Variants in DCC observed in about 807,000 individuals in gnomAD.
DCC encodes DCC netrin 1 receptor, also known as netrin receptor DCC.
Under a neutral mutation model 172.5 loss-of-function variants are expected in DCC, and 58 were observed. The ratio of observed to expected loss-of-function variants is 0.34; its 90% CI spans 0.27 to 0.42. The LOEUF (loss-of-function observed/expected upper bound fraction) is 0.42. DCC is among the 10% of genes least tolerant of loss of function. DCC has a pLI of 1.00. For missense variants in DCC, 1,740 were observed against 1,791.0 expected (o/e 0.97, Z 0.51); for synonymous variants, 709 against 644.5 (o/e 1.10, Z -1.52).
intron 1 of DCC, among the ~76,000 whole-genome samples, chr18:52,680,413 T>G (rs2035727205): frequency 6.6e-6 from 1 of 152,152 alleles, no homozygotes; most frequent in Non-Finnish European, 1.5e-5. Flanking sequence ...TGCAAAGCAC[T>G]GTTCTGCAGG....
At chr18:53,242,088 A>G (rs2056303495) in intron 12 of DCC, among the ~76,000 whole-genome samples, 1 of 152,128 alleles carries the variant, frequency 6.6e-6, no homozygotes, top group Non-Finnish European at 1.5e-5. Context: ...GTTGCAACAA[A>G]ATTTTTCAAA....
At chr18:53,313,667 C>G (rs1294119221) in intron 13 of DCC, among the ~76,000 whole-genome samples, 2 of 152,174 alleles carry the variant, frequency 1.3e-5, no homozygotes, top group African/African-American at 4.8e-5. Flanking sequence ...CCCTACCTGC[C>G]TATTATTCAA....
intron 2 of DCC, among the ~76,000 whole-genome samples, chr18:52,776,848 T>C (rs941131717): frequency 6.6e-6 from 1 of 152,188 alleles, no homozygotes; most frequent in Non-Finnish European, 1.5e-5. Flanking sequence ...CTATTAATCA[T>C]GTGAGTATAA....
At chr18:52,749,642 T>C (rs774735894) in intron 1 of DCC, among the ~76,000 whole-genome samples, 14 of 151,918 alleles carry the variant, frequency 9.2e-5, no homozygotes, top group Non-Finnish European at 2.1e-4. Flanking sequence ...TTGATCTATG[T>C]ACTCACAGCA....
intron 2 of DCC, among the ~76,000 whole-genome samples, chr18:52,886,502 ACTCT>A (rs1168933246): frequency 1.3e-5 from 2 of 151,648 alleles, no homozygotes; most frequent in Non-Finnish European, 2.9e-5. Flanking sequence ...AATTGCACAG[ACTCT>A]CTCTGTGTGC....
chr18:53,453,275 A>G (rs1306333380), intron 23 of DCC, among the ~76,000 whole-genome samples: 2 of 152,172 alleles, frequency 1.3e-5, no homozygotes, highest in South Asian at 2.1e-4. Context: ...CTGCATCACA[A>G]TTGAGCCCTT....
chr18:52,694,211 C>T (rs566720706), intron 1 of DCC, among the ~76,000 whole-genome samples: 29 of 152,150 alleles, frequency 1.9e-4, no homozygotes, highest in Non-Finnish European at 3.2e-4. Context: ...TTTTGCAAAA[C>T]GCCTGGCCAG....
At chr18:52,780,377 T>C (rs2037515455) in intron 2 of DCC, among the ~76,000 whole-genome samples, 1 of 152,174 alleles carries the variant, frequency 6.6e-6, no homozygotes, top group Admixed American at 6.5e-5. Flanking sequence ...TTTAGATATC[T>C]TTCAAAATAT....
intron 1 of DCC, among the ~76,000 whole-genome samples, chr18:52,554,182 G>C (rs1024204660): frequency 6.6e-6 from 1 of 152,022 alleles, no homozygotes; most frequent in Non-Finnish European, 1.5e-5. Flanking sequence ...CAAGTTAAAG[G>C]AAAAATGGCA....
chr18:53,499,277 C>T (rs745691976), intron 26 of DCC, 21 bp from the exon 27 acceptor site: 38 of 1,613,004 alleles, frequency 2.4e-5, no homozygotes, highest in South Asian at 1.9e-4. Context: ...TAATGAATGA[C>T]TTTTCTTGTC....
intron 1 of DCC, among the ~76,000 whole-genome samples, chr18:52,400,956 T>G (rs1568151698): frequency 6.6e-6 from 1 of 151,720 alleles, no homozygotes; most frequent in Non-Finnish European, 1.5e-5. Flanking sequence ...GGTGGGGGAC[T>G]AGGGGAGGGA....
At chr18:52,619,079 G>C (rs1028765715) in intron 1 of DCC, among the ~76,000 whole-genome samples, 3 of 151,928 alleles carry the variant, frequency 2.0e-5, no homozygotes, top group Admixed American at 6.6e-5. Flanking sequence ...CTGGGATTAC[G>C]GGCATGCACC....
intron 1 of DCC, among the ~76,000 whole-genome samples, chr18:52,437,157 GA>G (rs1987822406): frequency 2.0e-5 from 3 of 152,072 alleles, no homozygotes; most frequent in African/African-American, 7.2e-5. Flanking sequence ...TTAAATATTA[GA>G]AAGAAAAATG....
chr18:52,446,081 C>T (rs1238407844), intron 1 of DCC, among the ~76,000 whole-genome samples: 2 of 152,096 alleles, frequency 1.3e-5, no homozygotes, highest in South Asian at 2.1e-4. Context: ...TACAGGCGCC[C>T]GCCACCGCAC....
chr18:53,339,087 T>C (rs1187314058), intron 14 of DCC, among the ~76,000 whole-genome samples: 1 of 152,154 alleles, frequency 6.6e-6, no homozygotes, highest in African/African-American at 2.4e-5. Flanking sequence ...AGCTGGTAAA[T>C]GACAGAACGT....
chr18:52,823,957 C>T (rs62083311), intron 2 of DCC, among the ~76,000 whole-genome samples: 2 of 152,128 alleles, frequency 1.3e-5, no homozygotes, highest in African/African-American at 4.8e-5. Context: ...ACTATCTGGG[C>T]AGTGAGTGGA....
intron 7 of DCC, among the ~76,000 whole-genome samples, chr18:53,111,161 A>G (rs1049948036): frequency 2.7e-5 from 4 of 150,170 alleles, no homozygotes; most frequent in African/African-American, 9.8e-5. Context: ...AAAAAACCAA[A>G]CATCGCATGT....
chr18:52,458,966 A>G lies in DCC; in HGVS notation c.91+118088A>G, dbSNP rs536490515. ...ACATGGAAAGGGGAAGTTCAAACCT[A>G]ACAACTTCTTCTATACTAGGCCATG... On this transcript the variant is annotated intron_variant, in intron 1 of 28. Coordinates refer to ENST00000442544, the MANE Select transcript of DCC (RefSeq NM_005215.4). Among the ~76,000 whole-genome samples, 4 of 152,288 alleles carry G rather than the reference A, an allele frequency of 2.6e-5. No individual in the cohort carries two copies. The East Asian group carries it at 7.7e-4, about 29-fold the overall frequency.
At chr18:52,827,575 A>G (rs2038534733) in intron 2 of DCC, among the ~76,000 whole-genome samples, 1 of 152,236 alleles carries the variant, frequency 6.6e-6, no homozygotes, top group South Asian at 2.1e-4. Flanking sequence ...AAAGAAAACA[A>G]TATTAAATGA....
Sources: gnomAD v4.1 joint callset for allele counts (sites outside exome capture counted in the v4.1 genomes callset) on GRCh38, gnomAD v4.1.1 for gene constraint, MANE v1.5 for transcripts, NCBI Gene and HGNC (gene_info 2026-07-23, HGNC 2026-07-21) for gene names.